Variants in PTPRD observed in about 807,000 individuals in gnomAD.
The protein encoded by PTPRD is protein tyrosine phosphatase receptor type D.
Under a neutral mutation model 214.5 loss-of-function variants are expected in PTPRD, and 34 were observed. The ratio of observed to expected loss-of-function variants is 0.16; its 90% CI spans 0.12 to 0.21. PTPRD has a LOEUF of 0.21. Ranked by LOEUF, PTPRD falls within the 10% of genes least tolerant of loss-of-function variation. The pLI is 1.00. For synonymous variants in PTPRD, 1,128 were observed against 845.7 expected (o/e 1.33, Z -5.79); for missense variants, 2,545 against 2,398.7 (o/e 1.06, Z -1.27).
intron 12 of PTPRD, among the ~76,000 whole-genome samples, chr9:8,727,423 G>A (rs952503651): frequency 1.3e-5 from 2 of 152,172 alleles, no homozygotes; most frequent in African/African-American, 4.8e-5. Context: ...GCTGGATGCT[G>A]CTAATTTAGC....
At position 10,105,475 on chromosome 9, in the gene PTPRD, T is replaced by A. The variant is rs147959135; in HGVS notation, c.-544-71685A>T. Among the ~76,000 whole-genome samples, 109 of 151,998 alleles carry A rather than the reference T, an allele frequency of 7.2e-4. 1 individual carries two copies. Among genetic ancestry groups the A allele is most frequent in the African/African-American group, 2.5e-3 (105 of 41,540 alleles). Reference sequence around the variant, plus strand: ...CATGGGATTAGAAGGTAAGAAAGCATGATTCTTGCCCCTCCACTTTTACCT... The same window carrying A: ...CATGGGATTAGAAGGTAAGAAAGCAAGATTCTTGCCCCTCCACTTTTACCT... On this transcript the variant is annotated intron_variant, in intron 3 of 45. Transcript: ENST00000381196.
chr9:9,201,400 T>C (rs1238934070), intron 9 of PTPRD, among the ~76,000 whole-genome samples: 1 of 152,162 alleles, frequency 6.6e-6, no homozygotes, highest in Non-Finnish European at 1.5e-5. Flanking sequence ...CAAAGGTGAG[T>C]GCAGCAAAAT....
intron 9 of PTPRD, among the ~76,000 whole-genome samples, chr9:9,330,348 C>T (rs147709432): frequency 0.017 from 2,605 of 152,172 alleles, 75 homozygotes; most frequent in African/African-American, 0.06. Context: ...AGAAGAAATA[C>T]ATATACATAT....
intron 12 of PTPRD, among the ~76,000 whole-genome samples, chr9:8,730,287 G>A (rs1394787776): frequency 2.0e-5 from 3 of 152,032 alleles, no homozygotes; most frequent in African/African-American, 7.2e-5. Context: ...GAAATATTGC[G>A]AGTATATAGT....
chr9:8,616,086 T>A (rs1277240978), intron 14 of PTPRD, among the ~76,000 whole-genome samples: 3 of 152,192 alleles, frequency 2.0e-5, no homozygotes, highest in East Asian at 1.9e-4. Context: ...AGCTAATCAC[T>A]TTTAAAGTCA....
chr9:9,953,072 A>C lies in PTPRD; in HGVS notation c.-471-14462T>G, dbSNP rs76127826. 9.2e-3 allele frequency among the ~76,000 whole-genome samples: 1,395 copies of C among 152,274 alleles called. 20 individuals carry two copies. The highest frequency in any genetic ancestry group is 0.031 in the African/African-American group (1,299 of 41,546). ...TCAACATCAAAGACTTGAAAAATGC[A>C]AAAGGTGGTGACCCACATCATATGT... On this transcript the variant is annotated intron_variant, in intron 4 of 45. Transcript: ENST00000381196.
chr9:9,943,856 C>T (rs1017063519), intron 4 of PTPRD, among the ~76,000 whole-genome samples: 8 of 152,108 alleles, frequency 5.3e-5, no homozygotes, highest in Admixed American at 3.3e-4. Flanking sequence ...GGGAGTGCTG[C>T]TGGACTGCTA....
intron 2 of PTPRD, among the ~76,000 whole-genome samples, chr9:10,387,843 TTGAG>T (rs2097953491): frequency 1.4e-5 from 2 of 139,934 alleles, no homozygotes; most frequent in African/African-American, 2.8e-5. Context: ...TTTTTTTTTT[TTGAG>T]AAAAGGTCTC....
intron 3 of PTPRD, among the ~76,000 whole-genome samples, chr9:10,323,343 G>A (rs2096589069): frequency 6.9e-6 from 1 of 145,566 alleles, no homozygotes. Flanking sequence ...TCACTCCATT[G>A]GAATGCAGTG....
chr9:9,413,884 C>G (rs2076249464), intron 8 of PTPRD, among the ~76,000 whole-genome samples: 1 of 152,134 alleles, frequency 6.6e-6, no homozygotes, highest in Non-Finnish European at 1.5e-5. Flanking sequence ...TGAGTTTGCC[C>G]TTTACATGTA....
At chr9:9,873,906 A>T (rs937188909) in intron 5 of PTPRD, among the ~76,000 whole-genome samples, 1 of 152,174 alleles carries the variant, frequency 6.6e-6, no homozygotes, top group East Asian at 1.9e-4. Context: ...TACTTACTAA[A>T]GTAAAACAAT....
intron 3 of PTPRD, among the ~76,000 whole-genome samples, chr9:10,133,550 G>A (rs1036286501): frequency 3.9e-5 from 6 of 151,930 alleles, no homozygotes; most frequent in Admixed American, 6.6e-5. Context: ...AACTTAAAAG[G>A]TCTGTCTACC....
intron 3 of PTPRD, among the ~76,000 whole-genome samples, chr9:10,287,480 G>T (rs1359449958): frequency 1.3e-5 from 2 of 152,128 alleles, no homozygotes; most frequent in Non-Finnish European, 2.9e-5. Flanking sequence ...TGCACCCTAT[G>T]AATCTGAGTG....
rs116839033 is a variant in PTPRD at position 8,874,180 on chromosome 9, C to T, written c.-103-140234G>A. Among the ~76,000 whole-genome samples, 465 of 152,250 alleles carry T rather than the reference C, an allele frequency of 3.1e-3. 5 individuals carry two copies. Among genetic ancestry groups the T allele is most frequent in the African/African-American group, 0.011 (437 of 41,546 alleles). On this transcript the variant is annotated intron_variant, in intron 11 of 45. Transcript: ENST00000381196. The stretch of plus-strand genomic sequence containing the variant: ...GTTTCATTTTACTACCCACATTTAA[C>T]GGTAATGAAACTGATGGCCCATGGT...
chr9:10,189,463 G>T (rs887966002), intron 3 of PTPRD, among the ~76,000 whole-genome samples: 1 of 152,168 alleles, frequency 6.6e-6, no homozygotes, highest in Non-Finnish European at 1.5e-5. Context: ...CATCTCTGCT[G>T]CATTTTATAA....
chr9:10,598,713 T>TGTGTG (rs1459412895), intron 2 of PTPRD, among the ~76,000 whole-genome samples: 7 of 65,698 alleles, frequency 1.1e-4, no homozygotes, highest in African/African-American at 2.5e-4. Context: ...TGGTGTGTGG[T>TGTGTG]GTGTGTGTGT....
chr9:9,150,011 C>T (rs1486559939), intron 10 of PTPRD, among the ~76,000 whole-genome samples: 6 of 152,290 alleles, frequency 3.9e-5, no homozygotes, highest in Middle Eastern at 3.4e-3. Flanking sequence ...GTGACAATAT[C>T]TTGCTTTGGA....
intron 14 of PTPRD, among the ~76,000 whole-genome samples, chr9:8,553,671 CT>C: frequency 6.6e-6 from 1 of 152,324 alleles, no homozygotes; most frequent in South Asian, 2.1e-4. Flanking sequence ...GCTTCTCAGC[CT>C]TTTGGCTAAG....
chr9:10,368,479 C>T lies in PTPRD; in HGVS notation c.-599-27462G>A, dbSNP rs1253243507. On this transcript the variant is annotated intron_variant, in intron 2 of 45. Coordinates refer to ENST00000381196, the MANE Select transcript of PTPRD (RefSeq NM_002839.4). ...ATACCTCTCACCCTTCTCAGGAATACATTCAATGCAATGGGTTTTGTTTAA... is the reference window on the plus strand; with the variant it reads ...ATACCTCTCACCCTTCTCAGGAATATATTCAATGCAATGGGTTTTGTTTAA... Among the ~76,000 whole-genome samples, 4 of 152,114 alleles carry T rather than the reference C, an allele frequency of 2.6e-5. No homozygotes were observed. In the East Asian group the frequency reaches 7.7e-4, roughly 29 times the overall value.
Sources: allele counts gnomAD v4.1 joint callset (sites outside exome capture counted in the v4.1 genomes callset), GRCh38; gene constraint gnomAD v4.1.1; transcripts MANE v1.5; gene names NCBI Gene and HGNC (gene_info 2026-07-23, HGNC 2026-07-21).